The following ZNF92 variants were observed in gnomAD, a reference collection of about 807,000 sequenced individuals.
ZNF92 encodes the protein epididymis luminal protein 203.
ZNF92 carries 11 observed loss-of-function variants against 12.4 expected under a neutral mutation model. That is an observed-to-expected ratio of 0.89 (90% CI 0.56 to 1.47). The LOEUF (loss-of-function observed/expected upper bound fraction) is 1.47, where lower values mean the gene tolerates loss of function less well. ZNF92 is among the 40% of genes most tolerant of loss of function. The pLI is 0.00. For missense variants in ZNF92, 622 were observed against 681.0 expected, an observed-to-expected ratio of 0.91 and a Z score of 0.96; for synonymous variants, 206 against 228.6, an observed-to-expected ratio of 0.90 and a Z score of 0.89.
chr7:65,388,080 C>T, intron 2 of ZNF92, 52 bp downstream of exon 2: 1 of 1,530,024 alleles, frequency 6.5e-7, no homozygotes, highest in Non-Finnish European at 8.7e-7. Context: ...TTTCATTTCT[C>T]CTCTTTGTAA....
intron 3 of ZNF92, among the ~76,000 whole-genome samples, chr7:65,392,775 A>T (rs1793748466): frequency 6.6e-6 from 1 of 151,916 alleles, no homozygotes; most frequent in Non-Finnish European, 1.5e-5. Flanking sequence ...ACCTCAGGTG[A>T]TCCACCCACC....
chr7:65,399,663 G>A lies in ZNF92; in HGVS notation c.1549G>A (p.Ala517Thr), dbSNP rs1187317244. Residue 517 changes from alanine (A) to threonine (T), a missense_variant, in exon 4 of 4, where the codon GCT becomes ACT. Transcript: ENST00000328747. ...KSYKCEKCGN[A>T]FNQSSNLTAR... ...CTACAAATGTGAAAAATGTGGCAAT[G>A]CTTTTAACCAGTCCTCAAACCTTAC... The A allele has an allele frequency of 6.2e-7, 1 of 1,613,214 alleles. No individual in the cohort carries two copies. The highest frequency in any genetic ancestry group is 1.3e-5 in the African/African-American group (1 of 74,982).
Position 65,400,542 on chromosome 7 carries a change from TCATAAGG to T in ZNF92, c.*677_*683del, listed in dbSNP as rs1266716736. ...TAAATATCAGAATTCACAGTAGAAATCATAAGGCATAAGGCACTGATACTTCAGACAT... is the reference window on the plus strand; with the variant it reads ...TAAATATCAGAATTCACAGTAGAAATCATAAGGCACTGATACTTCAGACAT... On this transcript the variant is annotated 3_prime_UTR_variant, in exon 4 of 4. Transcript: ENST00000328747. The T allele has an allele frequency of 6.6e-6, 1 of 152,002 alleles. No individual in the cohort carries two copies. The highest frequency in any genetic ancestry group is 2.4e-5 in the African/African-American group (1 of 41,420). 9.4% of individuals were successfully genotyped at this position (152,002 alleles called of 1,614,324 possible). A position where few individuals can be genotyped will look rare whatever the true frequency, so the allele number is the denominator to read the frequency against.
chr7:65,382,360 CTG>C (rs1480972384), intron 1 of ZNF92, among the ~76,000 whole-genome samples: 1 of 152,040 alleles, frequency 6.6e-6, no homozygotes, highest in Non-Finnish European at 1.5e-5. Flanking sequence ...TTTCCAAACA[CTG>C]TTTAAACTTA....
intron 1 of ZNF92, among the ~76,000 whole-genome samples, chr7:65,379,217 G>C (rs1793336710): frequency 6.6e-6 from 1 of 152,064 alleles, no homozygotes; most frequent in Non-Finnish European, 1.5e-5. Context: ...CAGTGTTGTG[G>C]GACTGAATCC....
chr7:65,375,103 T>C (rs1793204108), intron 1 of ZNF92, among the ~76,000 whole-genome samples: 2 of 152,142 alleles, frequency 1.3e-5, no homozygotes, highest in Non-Finnish European at 2.9e-5. Context: ...AAGCAAAGAA[T>C]AATCCCCTAA....
chr7:65,398,573 CT>C lies in ZNF92; in HGVS notation c.462del (p.His155IlefsTer6). Reference sequence around the variant, plus strand: ...TTCAGTGTGATAAATATGTGAAAGTCTTTCATAAATTTCCAAATGTAAATAG... The same window carrying C: ...TTCAGTGTGATAAATATGTGAAAGTCTTCATAAATTTCCAAATGTAAATAG... ...IFQCDKYVKV[F>X]HKFPNVNRNK... On this transcript the variant is annotated frameshift_variant, in exon 4 of 4. Coordinates refer to ENST00000328747, the MANE Select transcript of ZNF92 (RefSeq NM_152626.4). LOFTEE classifies it low-confidence loss of function (END_TRUNC). The C allele has an allele frequency of 6.2e-7, 1 of 1,608,312 alleles. No homozygotes were observed. The highest frequency in any genetic ancestry group is 2.2e-5 in the East Asian group (1 of 44,798).
intron 1 of ZNF92, among the ~76,000 whole-genome samples, chr7:65,381,030 T>G (rs1365198127): frequency 2.6e-5 from 4 of 152,168 alleles, no homozygotes; most frequent in Middle Eastern, 3.4e-3. Context: ...CTTTTCTTTT[T>G]GGAGATGGAG....
Position 65,388,783 on chromosome 7 carries a change from G to T in ZNF92, c.131-23G>T, listed in dbSNP as rs367605132. The T allele has an allele frequency of 7.6e-5, 118 of 1,550,596 alleles. No homozygotes were observed. In the African/African-American group the frequency reaches 1.4e-3, roughly 18 times the overall value. ...ATTGGAGAATATGAGCAAGATTTAT[G>T]TTATTTATTTTTAATAAAACAGGTA... On this transcript the variant is annotated intron_variant, in intron 2 of 3. Coordinates refer to ENST00000328747, the MANE Select transcript of ZNF92 (RefSeq NM_152626.4).
At chr7:65,390,800 A>G (rs893627034) in intron 3 of ZNF92, among the ~76,000 whole-genome samples, 6 of 152,204 alleles carry the variant, frequency 3.9e-5, no homozygotes, top group Non-Finnish European at 8.8e-5. Flanking sequence ...CTGAGTCATT[A>G]AACTGCTTCA....
chr7:65,389,279 T>C (rs1254642081), intron 3 of ZNF92, among the ~76,000 whole-genome samples: 2 of 151,958 alleles, frequency 1.3e-5, no homozygotes, highest in Non-Finnish European at 2.9e-5. Context: ...AAAATGTAAT[T>C]TGGGAAGCTG....
intron 3 of ZNF92, 63 bp from the exon 4 acceptor site, chr7:65,398,278 T>G: frequency 1.5e-6 from 2 of 1,336,428 alleles, no homozygotes; most frequent in Non-Finnish European, 2.0e-6. Flanking sequence ...ATAGGTTAAA[T>G]TTGTAAAGTA....
At chr7:65,396,460 AC>A (rs1229825338) in intron 3 of ZNF92, among the ~76,000 whole-genome samples, 1 of 152,112 alleles carries the variant, frequency 6.6e-6, no homozygotes, top group Admixed American at 6.5e-5. Flanking sequence ...TGTTACTAAT[AC>A]TACAAATTAT....
At position 65,383,430 on chromosome 7, in the gene ZNF92, A is replaced by G. The variant is rs950955303; in HGVS notation, c.4-4472A>G. 3.9e-5 allele frequency among the ~76,000 whole-genome samples: 6 copies of G among 152,136 alleles called. 1 individual carries two copies. Among genetic ancestry groups the G allele is most frequent in the African/African-American group, 7.2e-5 (3 of 41,428 alleles). ...GACAGGAGCAGACTTTGGATTGAAA[A>G]TGTACAGAAAACCAAGAGGAGGCAT... On this transcript the variant is annotated intron_variant, in intron 1 of 3. Coordinates refer to ENST00000328747, the MANE Select transcript of ZNF92 (RefSeq NM_152626.4).
chr7:65,395,409 A>G (rs1793820510), intron 3 of ZNF92, among the ~76,000 whole-genome samples: 1 of 152,112 alleles, frequency 6.6e-6, no homozygotes, highest in Non-Finnish European at 1.5e-5. Context: ...CACCAGCTGC[A>G]AATAAGAATA....
In ZNF92 at chr7:65,399,661, A is replaced by G. The variant is rs139896307; in HGVS notation, c.1547A>G (p.Asn516Ser). 36 of 1,613,218 alleles carry G rather than the reference A, an allele frequency of 2.2e-5. No individual in the cohort carries two copies. The highest frequency in any genetic ancestry group is 8.3e-5 in the Admixed American group (5 of 59,978). The change falls in exon 4 of 4, where the codon AAT becomes AGT. Residue 516 changes from asparagine to serine, a missense_variant. Transcript: ENST00000328747. ...TCCTACAAATGTGAAAAATGTGGCA[A>G]TGCTTTTAACCAGTCCTCAAACCTT... ...GKSYKCEKCG[N>S]AFNQSSNLTA...
intron 3 of ZNF92, among the ~76,000 whole-genome samples, chr7:65,392,247 A>G (rs1793736206): frequency 6.6e-6 from 1 of 152,070 alleles, no homozygotes; most frequent in African/African-American, 2.4e-5. Context: ...CTAAGTGAGT[A>G]GTCATGGAAA....
intron 3 of ZNF92, among the ~76,000 whole-genome samples, chr7:65,390,853 C>CATAA (rs1793692408): frequency 6.6e-6 from 1 of 152,068 alleles, no homozygotes; most frequent in Non-Finnish European, 1.5e-5. Flanking sequence ...GGCCTGCCTG[C>CATAA]ATGGCTATAA....
intron 1 of ZNF92, among the ~76,000 whole-genome samples, chr7:65,386,696 G>C (rs1004651555): frequency 6.6e-5 from 10 of 152,084 alleles, no homozygotes; most frequent in Non-Finnish European, 1.5e-4. Context: ...GGAGATATCT[G>C]TATCTCAAAC....
Sources: allele counts gnomAD v4.1 joint callset (sites outside exome capture counted in the v4.1 genomes callset), GRCh38; gene constraint gnomAD v4.1.1; transcripts MANE v1.5; gene names NCBI Gene and HGNC (gene_info 2026-07-23, HGNC 2026-07-21).